Variants in LRRIQ1 observed in about 807,000 individuals in gnomAD.
LRRIQ1 encodes leucine rich repeats and IQ motif containing 1, also known as leucine-rich repeat- and IQ domain-containing protein 1.
A neutral mutation model predicts 211.9 loss-of-function variants in LRRIQ1; 210 were observed. The observed-to-expected ratio is 0.99, with a 90% CI of 0.89 to 1.11. LRRIQ1 has a LOEUF of 1.11. Ranked by LOEUF, LRRIQ1 falls within the 50% of genes most tolerant of loss-of-function variation. The pLI is 0.00. For synonymous variants in LRRIQ1, 699 were observed against 650.1 expected (o/e 1.08, Z -1.14); for missense variants, 2,136 against 1,939.5 (o/e 1.10, Z -1.90).
chr12:85,046,265 T>A, intron 5 of LRRIQ1, 128 bp downstream of exon 5: 1 of 589,772 alleles, frequency 1.7e-6, no homozygotes. Context: ...TGAAGATTAT[T>A]GTGCCTTTGC....
At chr12:85,209,401 T>C (rs1424672062) in intron 24 of LRRIQ1, among the ~76,000 whole-genome samples, 1 of 152,160 alleles carries the variant, frequency 6.6e-6, no homozygotes, top group Non-Finnish European at 1.5e-5. Context: ...AAGAACAGCA[T>C]GGAGGTAACC....
chr12:85,235,120 AT>A (rs1220390561), intron 26 of LRRIQ1, among the ~76,000 whole-genome samples: 1 of 152,240 alleles, frequency 6.6e-6, no homozygotes, highest in African/African-American at 2.4e-5. Context: ...AAACTAGTAA[AT>A]AACATTTCTG....
chr12:85,118,735 G>A (rs910594193), intron 15 of LRRIQ1, among the ~76,000 whole-genome samples: 4 of 151,924 alleles, frequency 2.6e-5, no homozygotes, highest in African/African-American at 7.3e-5. Context: ...TTTCATCTCA[G>A]ACTATACAAT....
intron 24 of LRRIQ1, among the ~76,000 whole-genome samples, chr12:85,164,583 T>C (rs1327442200): frequency 6.6e-6 from 1 of 152,206 alleles, no homozygotes; most frequent in Non-Finnish European, 1.5e-5. Flanking sequence ...GTTCTCTTTA[T>C]TCCATTTATT....
At chr12:85,216,310 C>T (rs1013848358) in intron 24 of LRRIQ1, among the ~76,000 whole-genome samples, 1 of 152,070 alleles carries the variant, frequency 6.6e-6, no homozygotes, top group Non-Finnish European at 1.5e-5. Flanking sequence ...TGATGGCTTC[C>T]AGCTTCATCT....
intron 7 of LRRIQ1, 22 bp from the exon 8 acceptor site, chr12:85,055,523 ACC>A (rs2135980319): frequency 6.9e-7 from 1 of 1,442,140 alleles, no homozygotes; most frequent in African/African-American, 1.4e-5. Context: ...TATGCTGACT[ACC>A]ATGTATCTTA....
At chr12:85,123,471 A>G (rs1888132718) in intron 16 of LRRIQ1, among the ~76,000 whole-genome samples, 1 of 152,142 alleles carries the variant, frequency 6.6e-6, no homozygotes, top group Admixed American at 6.5e-5. Flanking sequence ...CTTCAAATCC[A>G]GCCAACATTA....
At chr12:85,199,873 A>G (rs1443955473) in intron 24 of LRRIQ1, among the ~76,000 whole-genome samples, 5 of 152,128 alleles carry the variant, frequency 3.3e-5, no homozygotes, top group Non-Finnish European at 5.9e-5. Flanking sequence ...TTGGGTGGGA[A>G]CACAGCCAAA....
At chr12:85,107,107 A>C (rs1247492917) in intron 15 of LRRIQ1, among the ~76,000 whole-genome samples, 1 of 152,154 alleles carries the variant, frequency 6.6e-6, no homozygotes, top group Non-Finnish European at 1.5e-5. Context: ...ATGTAAACCA[A>C]GAAAAATATT....
rs192331816 is a variant in LRRIQ1 at position 85,083,464 on chromosome 12, G to A, written c.2887+10366G>A. 1.3e-3 allele frequency among the ~76,000 whole-genome samples: 201 copies of A among 149,352 alleles called. 1 individual carries two copies. Among genetic ancestry groups the A allele is most frequent in the African/African-American group, 4.6e-3 (188 of 40,438 alleles). The stretch of plus-strand genomic sequence containing the variant: ...TAACTTTTTTTTTTTTTTTTAAGAC[G>A]GAGTCTCACTCTGTCGCCAGGCTGG... On this transcript the variant is annotated intron_variant, in intron 11 of 26. Coordinates refer to ENST00000393217, the MANE Select transcript of LRRIQ1 (RefSeq NM_001079910.2).
chr12:85,159,900 T>C (rs1377915325), intron 23 of LRRIQ1, among the ~76,000 whole-genome samples: 2 of 152,018 alleles, frequency 1.3e-5, no homozygotes, highest in African/African-American at 2.4e-5. Context: ...TTAATACTTA[T>C]GAAATGTACC....
At position 85,261,611 on chromosome 12, in the gene LRRIQ1, A is replaced by G. The variant is rs181298852; in HGVS notation, c.122-1304A>G. Among the ~76,000 whole-genome samples, 263 of 151,942 alleles carry G rather than the reference A, an allele frequency of 1.7e-3. 2 individuals are homozygous for G. Among genetic ancestry groups the G allele is most frequent in the African/African-American group, 6.1e-3 (253 of 41,472 alleles). ...AAAGCATCACAATGGAGAATCATGT[A>G]GTTTCAACCTTTGCCTCAAGCCAGT... On this transcript the variant is annotated intron_variant, in intron 1 of 1. Coordinates refer to the LRRIQ1 transcript ENST00000602731.
rs1885260042 is a variant in LRRIQ1, at chr12:85,090,364, C to T, written c.2888-7991C>T. On this transcript the variant is annotated intron_variant, in intron 11 of 26. Transcript: ENST00000393217. ...AGAGCTAAGAGAAGGGTACCACGGT[C>T]CTCCAGACTCAAGAATTGTAGATCC... Among the ~76,000 whole-genome samples, 8 of 152,148 alleles carry T rather than the reference C, an allele frequency of 5.3e-5. No homozygotes were observed. The South Asian group carries it at 1.7e-3, about 32-fold the overall frequency.
At chr12:85,259,524 CA>C (rs1311842349) in intron 1 of LRRIQ1, among the ~76,000 whole-genome samples, 1 of 151,960 alleles carries the variant, frequency 6.6e-6, no homozygotes, top group East Asian at 1.9e-4. Context: ...TATATGATAA[CA>C]AAAAACTCTC....
At chr12:85,093,742 C>G (rs866936489) in intron 11 of LRRIQ1, among the ~76,000 whole-genome samples, 2 of 152,168 alleles carry the variant, frequency 1.3e-5, no homozygotes, top group African/African-American at 4.8e-5. Context: ...CATTCAAAGC[C>G]AAACTGGAAT....
At chr12:85,191,098 T>C (rs1191368252) in intron 24 of LRRIQ1, among the ~76,000 whole-genome samples, 1 of 151,990 alleles carries the variant, frequency 6.6e-6, no homozygotes, top group Non-Finnish European at 1.5e-5. Flanking sequence ...TTTCATGTAC[T>C]CCGCAAATGT....
chr12:85,088,650 G>A (rs887236812), intron 11 of LRRIQ1, among the ~76,000 whole-genome samples: 5 of 152,140 alleles, frequency 3.3e-5, no homozygotes, highest in East Asian at 1.9e-4. Flanking sequence ...TCGCCTTGAA[G>A]AGGTCCTTCA....
chr12:85,231,555 T>C (rs998237859), intron 25 of LRRIQ1, among the ~76,000 whole-genome samples: 3 of 152,146 alleles, frequency 2.0e-5, no homozygotes, highest in African/African-American at 7.2e-5. Flanking sequence ...TAGCTCATGG[T>C]TCTGCAGGCT....
chr12:85,091,200 T>G (rs1379501046), intron 11 of LRRIQ1, among the ~76,000 whole-genome samples: 1 of 152,186 alleles, frequency 6.6e-6, no homozygotes, highest in Non-Finnish European at 1.5e-5. Context: ...CTGTAAAGCC[T>G]GTAGAACCAG....
Sources: allele counts gnomAD v4.1 joint callset (sites outside exome capture counted in the v4.1 genomes callset), GRCh38; gene constraint gnomAD v4.1.1; transcripts MANE v1.5; gene names NCBI Gene and HGNC (gene_info 2026-07-23, HGNC 2026-07-21).